KLHL4: variants seen among roughly 807,000 people sequenced by gnomAD.
KLHL4 encodes kelch-like protein 4.
A neutral mutation model predicts 45.8 loss-of-function variants in KLHL4; 17 were observed. The observed-to-expected ratio is 0.37, with a 90% CI of 0.25 to 0.56. The LOEUF (loss-of-function observed/expected upper bound fraction) is 0.56. Among genes scored for constraint, KLHL4 ranks in the 20% least tolerant of loss-of-function variants. The probability of loss-of-function intolerance (pLI) is 0.79; values close to 1 mark genes in which losing one functional copy is unlikely to be tolerated. For synonymous variants in KLHL4, 224 were observed against 189.9 expected, an observed-to-expected ratio of 1.18 and a Z score of -1.47; for missense variants, 544 against 544.9, an observed-to-expected ratio of 1.00 and a Z score of 0.02.
intron 1 of KLHL4, among the ~76,000 whole-genome samples, chrX:87,542,578 G>A (rs759745252): frequency 8.9e-6 from 1 of 112,667 alleles, no homozygotes; most frequent in Non-Finnish European, 1.9e-5. Flanking sequence ...CATGGGTCAT[G>A]TGGCCCCTTT....
At chrX:87,576,018 G>A (rs968969) in intron 1 of KLHL4, among the ~76,000 whole-genome samples, 27,659 of 110,517 alleles carry the variant, frequency 0.25, 2,936 homozygotes, top group East Asian at 0.51. Context: ...TGATAACATA[G>A]AAACTTCATT....
chrX:87,592,457 A>G (rs1921703496), intron 1 of KLHL4, among the ~76,000 whole-genome samples: 2 of 111,563 alleles, frequency 1.8e-5, no homozygotes, highest in Non-Finnish European at 3.8e-5. Context: ...ATAGTGACTT[A>G]CTAATTTACA....
intron 1 of KLHL4, among the ~76,000 whole-genome samples, chrX:87,578,622 T>A (rs2147793602): frequency 8.9e-6 from 1 of 112,528 alleles, no homozygotes; most frequent in South Asian, 3.6e-4. Context: ...AATATTAATT[T>A]ATCTGCATTA....
chrX:87,631,615 G>A (rs988707727), intron 6 of KLHL4, among the ~76,000 whole-genome samples: 1 of 111,584 alleles, frequency 9.0e-6, no homozygotes, highest in Non-Finnish European at 1.9e-5. Flanking sequence ...GGGCTGAAGT[G>A]GTCTTCCGAC....
chrX:87,668,361 T>C lies in KLHL4; in HGVS notation c.*1827T>C. The C allele has an allele frequency of 1.3e-6, 1 of 753,866 alleles. No individual in the cohort carries two copies. Among genetic ancestry groups the C allele is most frequent in the South Asian group, 6.7e-5 (1 of 14,834 alleles). The allele number at this position is 753,866 out of a possible 1,213,427, so 62.1% of individuals were successfully genotyped here. ...AATAGGCAGACTGTGTCTAGAGTCA[T>C]GCATGGACAAGAGGAAAGTGAAAGT... On this transcript the variant is annotated 3_prime_UTR_variant, in exon 11 of 11. Coordinates refer to ENST00000373119, the MANE Select transcript of KLHL4 (RefSeq NM_019117.5).
intron 1 of KLHL4, among the ~76,000 whole-genome samples, chrX:87,596,563 A>G (rs1453873508): frequency 4.5e-5 from 5 of 112,075 alleles, no homozygotes; most frequent in Non-Finnish European, 7.5e-5. Flanking sequence ...AATCTTCAGT[A>G]AATAAAATAC....
chrX:87,628,324 ACAG>A (rs1922997446), intron 6 of KLHL4, among the ~76,000 whole-genome samples: 1 of 90,997 alleles, frequency 1.1e-5, no homozygotes, highest in Non-Finnish European at 2.4e-5. Context: ...AGACAAAAGA[ACAG>A]CAACAAAACT....
At position 87,536,545 on chromosome X, in the gene KLHL4, A is replaced by C. The variant is rs1383469061; in HGVS notation, c.422+18230A>C. Reference sequence around the variant, plus strand: ...TAAATGAATACAATTTACTTGTTCCACTAAATTTTAGGTCATTAAAAGAGA... The same window carrying C: ...TAAATGAATACAATTTACTTGTTCCCCTAAATTTTAGGTCATTAAAAGAGA... On this transcript the variant is annotated intron_variant, in intron 1 of 10. Coordinates refer to ENST00000373119, the MANE Select transcript of KLHL4 (RefSeq NM_019117.5). Among the ~76,000 whole-genome samples the C allele has an allele frequency of 3.6e-5, 4 of 109,838 alleles. No individual in the cohort carries two copies. The East Asian group carries it at 8.6e-4, about 24-fold the overall frequency.
intron 9 of KLHL4, among the ~76,000 whole-genome samples, chrX:87,661,248 T>C (rs1046843259): frequency 2.1e-4 from 23 of 111,960 alleles, no homozygotes; most frequent in African/African-American, 6.8e-4. Context: ...TGGGGCTTCG[T>C]GGTAAAACTT....
intron 1 of KLHL4, among the ~76,000 whole-genome samples, chrX:87,545,697 C>G (rs1337178747): frequency 8.9e-6 from 1 of 111,790 alleles, no homozygotes; most frequent in Non-Finnish European, 1.9e-5. Flanking sequence ...AACTGGATAA[C>G]AGGCAGAGGT....
Position 87,668,191 on chromosome X carries a change from A to T in KLHL4, c.*1657A>T. On this transcript the variant is annotated 3_prime_UTR_variant, in exon 11 of 11. Coordinates refer to ENST00000373119, the MANE Select transcript of KLHL4 (RefSeq NM_019117.5). ...TTTGAATTCACACCTTATTGAAATC[A>T]GTGTAGAAGTAGAGTTACCTAAACC... 1 of 751,706 alleles carries T rather than the reference A, an allele frequency of 1.3e-6. No individual in the cohort carries two copies. The highest frequency in any genetic ancestry group is 1.6e-6 in the Non-Finnish European group (1 of 636,987). The allele number at this position is 751,706 out of a possible 1,213,427, so 61.9% of individuals were successfully genotyped here. A position where few individuals can be genotyped will look rare whatever the true frequency, so the allele number is the denominator to read the frequency against.
intron 1 of KLHL4, among the ~76,000 whole-genome samples, chrX:87,565,056 G>C (rs191605910): frequency 8.9e-6 from 1 of 111,905 alleles, no homozygotes; most frequent in African/African-American, 3.2e-5. Context: ...AAGAATACAC[G>C]TTTGAACAAG....
intron 1 of KLHL4, among the ~76,000 whole-genome samples, chrX:87,586,958 G>C (rs1305728638): frequency 2.7e-5 from 3 of 109,151 alleles, no homozygotes; most frequent in Non-Finnish European, 3.8e-5. Context: ...TGATACTGCA[G>C]AATTTAAAGG....
At position 87,669,941 on chromosome X, in the gene KLHL4, G is replaced by T. The variant is rs1214162423; in HGVS notation, c.*3407G>T. On this transcript the variant is annotated 3_prime_UTR_variant, in exon 11 of 11. Transcript: ENST00000373119. The stretch of plus-strand genomic sequence containing the variant: ...GGTAAGGTGATAATATGTTTAATTA[G>T]CTTGATTTAATCATCCCACACTGTA... The T allele has an allele frequency of 2.7e-5, 3 of 112,430 alleles. No homozygotes were observed. Among genetic ancestry groups the T allele is most frequent in the African/African-American group, 9.8e-5 (3 of 30,692 alleles). The allele number at this position is 112,430 out of a possible 1,213,427, so 9.3% of individuals were successfully genotyped here.
chrX:87,559,142 G>T (rs187400227), intron 1 of KLHL4, among the ~76,000 whole-genome samples: 48 of 111,563 alleles, frequency 4.3e-4, no homozygotes, highest in African/African-American at 1.4e-3. Context: ...AGTGTGACAG[G>T]GTCGCAATAA....
chrX:87,568,939 C>G (rs1286661393), intron 1 of KLHL4, among the ~76,000 whole-genome samples: 4 of 110,915 alleles, frequency 3.6e-5, no homozygotes, highest in Non-Finnish European at 7.6e-5. Flanking sequence ...AATATGACGC[C>G]AAAGTACAAG....
intron 1 of KLHL4, among the ~76,000 whole-genome samples, chrX:87,555,288 G>C (rs1170348703): frequency 9.1e-6 from 1 of 109,543 alleles, no homozygotes; most frequent in Admixed American, 9.9e-5. Context: ...GTTTCAGAAG[G>C]AATGGTGCCA....
At chrX:87,583,439 G>A (rs147755539) in intron 1 of KLHL4, among the ~76,000 whole-genome samples, 1,164 of 112,101 alleles carry the variant, frequency 0.01, 14 homozygotes, top group African/African-American at 0.036. Flanking sequence ...AGAAGGAAGA[G>A]TAAAGGAAGA....
intron 6 of KLHL4, among the ~76,000 whole-genome samples, chrX:87,626,913 TAAG>T (rs1922949184): frequency 8.9e-6 from 1 of 111,742 alleles, no homozygotes; most frequent in Non-Finnish European, 1.9e-5. Context: ...TCCATGCTAG[TAAG>T]AAGAGGAGTG....
Sources: allele counts gnomAD v4.1 joint callset (sites outside exome capture counted in the v4.1 genomes callset), GRCh38; gene constraint gnomAD v4.1.1; transcripts MANE v1.5; gene names NCBI Gene and HGNC (gene_info 2026-07-23, HGNC 2026-07-21).